The following CDH4 variants were observed in gnomAD, a reference collection of about 807,000 sequenced individuals.
CDH4 encodes cadherin 4, also known as cadherin-4.
In CDH4, 33 loss-of-function variants were observed where a neutral mutation model predicts 86.0. The observed-to-expected ratio is 0.38, with a 90% CI of 0.29 to 0.51. The LOEUF is 0.51. Ranked by LOEUF, CDH4 falls within the 20% of genes least tolerant of loss-of-function variation. The pLI is 0.86. For synonymous variants in CDH4, 555 were observed against 549.4 expected (o/e 1.01, Z -0.14); for missense variants, 1,114 against 1,307.4 (o/e 0.85, Z 2.28).
At chr20:61,576,013 G>C (rs549920340) in intron 2 of CDH4, among the ~76,000 whole-genome samples, 1 of 152,280 alleles carries the variant, frequency 6.6e-6, no homozygotes, top group East Asian at 1.9e-4. Flanking sequence ...GATTGACTCT[G>C]AGTAGGAGGA....
At chr20:61,583,150 CGGAGGGACAGAGGGCTCTGCG>C (rs1568697087) in intron 2 of CDH4, among the ~76,000 whole-genome samples, 1 of 66,390 alleles carries the variant, frequency 1.5e-5, no homozygotes, top group African/African-American at 5.9e-5. Context: ...GAGGGCTCTG[CGGAGGGACAGAGGGCTCTGCG>C]GGGGGGACAG....
chr20:61,608,180 A>T (rs1261308115), intron 2 of CDH4, among the ~76,000 whole-genome samples: 1 of 152,130 alleles, frequency 6.6e-6, no homozygotes, highest in African/African-American at 2.4e-5. Flanking sequence ...TCTAGCCTAG[A>T]TGTGTCTGCT....
At chr20:61,755,357 TGCC>T (rs2088549747) in intron 3 of CDH4, among the ~76,000 whole-genome samples, 1 of 132,748 alleles carries the variant, frequency 7.5e-6, no homozygotes, top group African/African-American at 3.0e-5. Flanking sequence ...ACATAGTGCA[TGCC>T]ACACACACCA....
chr20:61,673,587 G>A (rs902088853), intron 2 of CDH4, among the ~76,000 whole-genome samples: 6 of 152,170 alleles, frequency 3.9e-5, no homozygotes, highest in South Asian at 4.1e-4. Flanking sequence ...TCAAGAACAC[G>A]TGTCCAGGGC....
rs151293839 is a variant in CDH4, at chr20:61,680,779, G to C, written c.170-62784G>C. Among the ~76,000 whole-genome samples the C allele has an allele frequency of 8.6e-3, 1,302 of 152,222 alleles. 15 individuals are homozygous for C. Among genetic ancestry groups the C allele is most frequent in the Middle Eastern group, 0.048 (14 of 294 alleles). ...CCGTCTCCCCGGGATGCAGGACCTC[G>C]GACAGCCTCAGCCAGTGCCCTGGAA... On this transcript the variant is annotated intron_variant, in intron 2 of 15. Transcript: ENST00000614565.
intron 2 of CDH4, among the ~76,000 whole-genome samples, chr20:61,596,763 C>T (rs1162220836): frequency 2.0e-5 from 3 of 152,140 alleles, no homozygotes; most frequent in Non-Finnish European, 4.4e-5. Flanking sequence ...CTCCGTGGGG[C>T]TGCCCTGGAC....
At chr20:61,817,531 G>T (rs66847354) in intron 4 of CDH4, among the ~76,000 whole-genome samples, 1 of 151,564 alleles carries the variant, frequency 6.6e-6, no homozygotes, top group African/African-American at 2.4e-5. Context: ...AAGAGACCTC[G>T]TTCTATTGCT....
chr20:61,636,600 G>T (rs968094596), intron 2 of CDH4, among the ~76,000 whole-genome samples: 1 of 152,234 alleles, frequency 6.6e-6, no homozygotes, highest in African/African-American at 2.4e-5. Flanking sequence ...TCTTTGCGAG[G>T]CTCTGGCCTC....
intron 3 of CDH4, among the ~76,000 whole-genome samples, chr20:61,752,651 A>AATTGCAGTG (rs2088514306): frequency 6.6e-6 from 1 of 152,252 alleles, no homozygotes; most frequent in Admixed American, 6.5e-5. Flanking sequence ...TGAGTCAATA[A>AATTGCAGTG]ATTGCAGTGG....
At chr20:61,268,212 C>T (rs147398684) in intron 2 of CDH4, among the ~76,000 whole-genome samples, 119 of 152,352 alleles carry the variant, frequency 7.8e-4, no homozygotes, top group Middle Eastern at 3.4e-3. Flanking sequence ...AGCTGGATGC[C>T]AGAGCATCTC....
intron 2 of CDH4, among the ~76,000 whole-genome samples, chr20:61,424,208 C>A (rs1214446634): frequency 3.5e-5 from 5 of 142,618 alleles, no homozygotes; most frequent in Non-Finnish European, 6.4e-5. Flanking sequence ...CACGCATCCA[C>A]ACACAGCACA....
chr20:61,654,680 A>G (rs1466334110), intron 2 of CDH4, among the ~76,000 whole-genome samples: 1 of 152,240 alleles, frequency 6.6e-6, no homozygotes, highest in Non-Finnish European at 1.5e-5. Flanking sequence ...TACAAAGGAA[A>G]GTTTACAAAG....
chr20:61,914,215 G>C (rs1414278875), intron 9 of CDH4, among the ~76,000 whole-genome samples: 1 of 152,210 alleles, frequency 6.6e-6, no homozygotes, highest in Admixed American at 6.5e-5. Context: ...TGGGGACTGA[G>C]TCTCACGGTG....
chr20:61,879,022 G>A lies in CDH4; in HGVS notation c.1050+5122G>A, dbSNP rs753565730. On this transcript the variant is annotated intron_variant, in intron 7 of 15. Transcript: ENST00000614565. This position sits in a 1 kb window ranked among gnomAD's most constrained non-coding sequence, Gnocchi z 4.1. ...ACCGCTTCTGCAGCAGAGGATGCAC[G>A]TTGTCGGATTTTCAGCAGCAAACAA... Among the ~76,000 whole-genome samples the A allele has an allele frequency of 1.2e-4, 19 of 152,374 alleles. No individual in the cohort carries two copies. The highest frequency in any genetic ancestry group is 2.4e-4 in the African/African-American group (10 of 41,592).
intron 2 of CDH4, among the ~76,000 whole-genome samples, chr20:61,611,851 C>T (rs956814773): frequency 2.0e-5 from 3 of 152,084 alleles, no homozygotes; most frequent in Non-Finnish European, 4.4e-5. Flanking sequence ...TCCACCAGGG[C>T]TTCACGAACT....
chr20:61,816,408 C>G (rs1017016934), intron 4 of CDH4, among the ~76,000 whole-genome samples: 1 of 152,190 alleles, frequency 6.6e-6, no homozygotes, highest in Admixed American at 6.5e-5. Context: ...TTTCCACTTT[C>G]TTAAACACCA....
chr20:61,901,075 C>T (rs1412551965), intron 8 of CDH4, among the ~76,000 whole-genome samples: 2 of 151,804 alleles, frequency 1.3e-5, no homozygotes, highest in Non-Finnish European at 3.0e-5. Flanking sequence ...ATGGGTCAAC[C>T]TCTCTGTCCT....
chr20:61,406,317 C>A (rs73915018), intron 2 of CDH4, among the ~76,000 whole-genome samples: 2 of 146,034 alleles, frequency 1.4e-5, no homozygotes, highest in African/African-American at 5.3e-5. Flanking sequence ...CTGCCTGGAC[C>A]ACCATCTGCT....
At chr20:61,735,005 T>G (rs2088243767) in intron 2 of CDH4, among the ~76,000 whole-genome samples, 1 of 150,834 alleles carries the variant, frequency 6.6e-6, no homozygotes, top group Non-Finnish European at 1.5e-5. Context: ...GGCCCCTCCC[T>G]GTGGCCCCTC....
Sources: gnomAD v4.1 joint callset for allele counts (sites outside exome capture counted in the v4.1 genomes callset) on GRCh38, gnomAD v4.1.1 for gene constraint, Gnocchi (gnomAD v3.1) non-coding constraint, MANE v1.5 for transcripts, NCBI Gene and HGNC (gene_info 2026-07-23, HGNC 2026-07-21) for gene names.